The following CDH8 variants were observed in gnomAD, a reference collection of about 807,000 sequenced individuals.
CDH8 encodes the protein cadherin 8, also known as cadherin-8.
A neutral mutation model predicts 68.1 loss-of-function variants in CDH8; 17 were observed. The ratio of observed to expected loss-of-function variants is 0.25; its 90% CI spans 0.17 to 0.37. The LOEUF (loss-of-function observed/expected upper bound fraction) is 0.37, where lower values mean the gene tolerates loss of function less well. CDH8 is among the 10% of genes least tolerant of loss of function. CDH8 has a pLI of 1.00. For missense variants in CDH8, 763 were observed against 999.3 expected, an observed-to-expected ratio of 0.76 and a Z score of 3.19; for synonymous variants, 372 against 365.1, an observed-to-expected ratio of 1.02 and a Z score of -0.21.
intron 2 of CDH8, among the ~76,000 whole-genome samples, chr16:62,000,189 T>A (rs1597117934): frequency 6.6e-6 from 1 of 152,346 alleles, no homozygotes; most frequent in East Asian, 1.9e-4. Flanking sequence ...ATTTTCTTTA[T>A]CCAGTCTATC....
intron 3 of CDH8, 78 bp from the exon 4 acceptor site, chr16:61,857,316 T>C (rs1055753683): frequency 4.6e-6 from 6 of 1,300,036 alleles, no homozygotes; most frequent in Non-Finnish European, 6.5e-6. Context: ...TCAAGTATTT[T>C]ATACAGAAAT....
At chr16:61,958,525 CTA>C (rs1439613757) in intron 2 of CDH8, among the ~76,000 whole-genome samples, 1 of 152,146 alleles carries the variant, frequency 6.6e-6, no homozygotes, top group Non-Finnish European at 1.5e-5. Context: ...TGCTCTTTAT[CTA>C]TGATTCCACA....
At chr16:61,800,154 C>T (rs569511133) in intron 7 of CDH8, among the ~76,000 whole-genome samples, 125 of 152,272 alleles carry the variant, frequency 8.2e-4, no homozygotes, top group African/African-American at 2.9e-3. Flanking sequence ...ACTAGAGATG[C>T]ATTTATATTC....
At chr16:61,918,500 T>G (rs984831589) in intron 2 of CDH8, 7 of 152,560 alleles carry the variant, frequency 4.6e-5, no homozygotes, top group Non-Finnish European at 1.0e-4. Context: ...TTGCCTCACT[T>G]GGGAAGCGCA....
intron 2 of CDH8, chr16:61,934,207 G>A (rs1412898237): frequency 6.6e-6 from 1 of 152,122 alleles, no homozygotes; most frequent in African/African-American, 2.4e-5. Context: ...CCAGGCACAC[G>A]AGGCTGCTTG....
chr16:61,753,411 T>C (rs1469976856), intron 8 of CDH8, among the ~76,000 whole-genome samples: 1 of 152,042 alleles, frequency 6.6e-6, no homozygotes, highest in Admixed American at 6.6e-5. Flanking sequence ...ATCTAATTTT[T>C]GTATTTGTAG....
intron 10 of CDH8, among the ~76,000 whole-genome samples, chr16:61,676,856 A>G (rs1418863708): frequency 6.6e-6 from 1 of 152,048 alleles, no homozygotes; most frequent in African/African-American, 2.4e-5. Context: ...GCTTGCTACC[A>G]TATGTGTGCA....
chr16:61,727,201 T>A lies in CDH8; in HGVS notation c.1429A>T (p.Ile477Leu), dbSNP rs761994642. 6.2e-7 allele frequency: 1 copy of A among 1,608,626 alleles called. No individual in the cohort carries two copies. Among genetic ancestry groups the A allele is most frequent in the Admixed American group, 1.7e-5 (1 of 59,654 alleles). The change falls in exon 9 of 12, where the codon ATA (isoleucine) becomes TTA (leucine). Residue 477 changes from isoleucine (I) to leucine (L), a missense_variant. Transcript: ENST00000577390. The part of the protein sequence containing the change: ...IATEIRNHSQ[I>L]SRVPVAIKVL... The stretch of plus-strand genomic sequence containing the variant: ...TTAATAGCAACAGGTACTCGTGATA[T>A]CTGACTGTGGTTCCCTATGGGAAGG...
intron 8 of CDH8, among the ~76,000 whole-genome samples, chr16:61,769,080 G>A (rs1458354492): frequency 6.6e-6 from 1 of 151,706 alleles, no homozygotes; most frequent in African/African-American, 2.4e-5. Flanking sequence ...TTGAGCTAAT[G>A]GCTCACTATG....
At chr16:61,747,321 G>C (rs1360214061) in intron 8 of CDH8, among the ~76,000 whole-genome samples, 1 of 152,066 alleles carries the variant, frequency 6.6e-6, no homozygotes, top group Non-Finnish European at 1.5e-5. Context: ...CAGAGGGCCT[G>C]TGTATAATGA....
At chr16:61,880,110 G>A (rs189512709) in intron 3 of CDH8, among the ~76,000 whole-genome samples, 47 of 152,210 alleles carry the variant, frequency 3.1e-4, no homozygotes, top group African/African-American at 1.1e-3. Context: ...ATTTTTAGTA[G>A]AGACAGGGTT....
intron 11 of CDH8, among the ~76,000 whole-genome samples, 171 bp from the exon 12 acceptor site, chr16:61,654,272 A>C (rs148530062): frequency 6.6e-6 from 1 of 152,270 alleles, no homozygotes; most frequent in East Asian, 1.9e-4. Flanking sequence ...ATGAACATTA[A>C]ATTTTGAGTA....
chr16:61,773,497 G>T (rs986857815), intron 8 of CDH8, among the ~76,000 whole-genome samples: 1 of 152,068 alleles, frequency 6.6e-6, no homozygotes, highest in African/African-American at 2.4e-5. Flanking sequence ...AAATTTTAGA[G>T]AAATAATACA....
chr16:61,811,297 C>A (rs570094136), intron 7 of CDH8, among the ~76,000 whole-genome samples: 2 of 152,192 alleles, frequency 1.3e-5, no homozygotes, highest in Non-Finnish European at 2.9e-5. Context: ...TAGTTGAATT[C>A]GCAGGTATAG....
chr16:61,755,810 C>CCTT (rs1477284345), intron 8 of CDH8, among the ~76,000 whole-genome samples: 1 of 150,914 alleles, frequency 6.6e-6, no homozygotes, highest in Non-Finnish European at 1.5e-5. Flanking sequence ...TTCTTCTTCT[C>CCTT]CTTCTTCTTT....
rs112494522 is a variant in CDH8 at position 61,700,493 on chromosome 16, A to G, written c.1654+13348T>C. On this transcript the variant is annotated intron_variant, in intron 10 of 11. Transcript: ENST00000577390. ...ACAGGGTTTCACCATGTTGGCCAGG[A>G]TGGTCTCGATCTCTTAACCTTGTGA... 7.3e-3 allele frequency among the ~76,000 whole-genome samples: 1,103 copies of G among 151,958 alleles called. 17 individuals carry two copies. The highest frequency in any genetic ancestry group is 0.026 in the African/African-American group (1,061 of 41,444).
chr16:61,654,887 G>A (rs1963407262), intron 11 of CDH8, among the ~76,000 whole-genome samples: 1 of 152,128 alleles, frequency 6.6e-6, no homozygotes, highest in Middle Eastern at 3.4e-3. Flanking sequence ...CTGTATAATC[G>A]CATTGTTATA....
At chr16:61,724,703 G>A (rs1335433480) in intron 9 of CDH8, among the ~76,000 whole-genome samples, 1 of 150,528 alleles carries the variant, frequency 6.6e-6, no homozygotes, top group Non-Finnish European at 1.5e-5. Flanking sequence ...TGGCTCATTC[G>A]GTTTTTTGAC....
intron 10 of CDH8, among the ~76,000 whole-genome samples, chr16:61,699,827 C>T (rs999193020): frequency 5.9e-5 from 9 of 152,272 alleles, no homozygotes; most frequent in Non-Finnish European, 1.3e-4. Context: ...CTGCCTGCCT[C>T]GGCCTCCCAA....
Sources: gnomAD v4.1 joint callset for allele counts (sites outside exome capture counted in the v4.1 genomes callset) on GRCh38, gnomAD v4.1.1 for gene constraint, MANE v1.5 for transcripts, NCBI Gene and HGNC (gene_info 2026-07-23, HGNC 2026-07-21) for gene names.